The following SNRNP70 variants were observed in gnomAD, a reference collection of about 807,000 sequenced individuals.
SNRNP70 encodes the protein U1 small nuclear ribonucleoprotein 70 kDa.
In SNRNP70, 8 loss-of-function variants were observed where a neutral mutation model predicts 50.5. The ratio of observed to expected loss-of-function variants is 0.16; its 90% confidence interval spans 0.09 to 0.29. The LOEUF (loss-of-function observed/expected upper bound fraction) is 0.29, where lower values mean the gene tolerates loss of function less well. Among genes scored for constraint, SNRNP70 ranks in the 10% least tolerant of loss-of-function variants. The pLI, the probability that SNRNP70 is intolerant of heterozygous loss-of-function variation, is 1.00. For synonymous variants in SNRNP70, 320 were observed against 252.9 expected (o/e 1.27, Z -2.52); for missense variants, 529 against 663.5 (o/e 0.80, Z 2.23).
At position 49,101,479 on chromosome 19, in the gene SNRNP70, C is replaced by T. The variant is rs1228740289; in HGVS notation, c.475+8C>T. ...ACGAGCGAGACATGCACTGTGAGTA[C>T]CTCCCGCCGAGCCCTGCCCTCTGAC... On this transcript the variant is annotated splice_region_variant and intron_variant, in intron 7 of 9. Coordinates refer to ENST00000598441, the MANE Select transcript of SNRNP70 (RefSeq NM_003089.6). 24 of 1,607,306 alleles carry T rather than the reference C, an allele frequency of 1.5e-5. No individual in the cohort carries two copies. The highest frequency in any genetic ancestry group is 1.7e-5 in the Admixed American group (1 of 60,006).
At chr19:49,091,993 C>T (rs2040452809) in intron 4 of SNRNP70, among the ~76,000 whole-genome samples, 1 of 152,332 alleles carries the variant, frequency 6.6e-6, no homozygotes, top group Non-Finnish European at 1.5e-5. Flanking sequence ...GTGTTATTTT[C>T]TAAATGTCAC....
chr19:49,101,029 ACT>A (rs759960428), intron 6 of SNRNP70, among the ~76,000 whole-genome samples: 5 of 151,070 alleles, frequency 3.3e-5, no homozygotes, highest in African/African-American at 4.9e-5. Flanking sequence ...ATCTCCTGGG[ACT>A]CTCTGTCATC....
intron 8 of SNRNP70, among the ~76,000 whole-genome samples, chr19:49,105,087 C>T (rs957556613): frequency 2.6e-5 from 4 of 152,082 alleles, no homozygotes; most frequent in African/African-American, 4.8e-5. Flanking sequence ...TTGGCAGTGA[C>T]GCATGCTGGG....
At position 49,104,268 on chromosome 19, in the gene SNRNP70, A is replaced by G. The variant is rs899319451; in HGVS notation, c.476-366A>G. 43 of 199,970 alleles carry G rather than the reference A, an allele frequency of 2.2e-4. No homozygotes were observed. The highest frequency in any genetic ancestry group is 8.2e-4 in the African/African-American group (35 of 42,640). 12.4% of individuals were successfully genotyped at this position (199,970 alleles called of 1,614,324 possible). ...GTGGAGGAGCCCCCTCCCCCACAGC[A>G]GAGTCCAGCGTGGAGTTAACCTTCA... On this transcript the variant is annotated intron_variant, in intron 7 of 9. Coordinates refer to ENST00000598441, the MANE Select transcript of SNRNP70 (RefSeq NM_003089.6). This position sits in a 1 kb window ranked among gnomAD's most constrained non-coding sequence, Gnocchi z 5.4.
At chr19:49,103,980 T>A (rs536672250) in intron 7 of SNRNP70, 1 of 151,698 alleles carries the variant, frequency 6.6e-6, no homozygotes, top group East Asian at 2.0e-4. Flanking sequence ...CTCCCCATGC[T>A]TCCTCCACTG....
intron 2 of SNRNP70, among the ~76,000 whole-genome samples, chr19:49,087,177 CAAAA>C (rs11398967): frequency 9.9e-6 from 1 of 100,636 alleles, no homozygotes; most frequent in Admixed American, 1.2e-4. Context: ...AAGACTGTCT[CAAAA>C]AAAAAAAAAA....
intron 2 of SNRNP70, 39 bp from the exon 3 acceptor site, chr19:49,090,252 C>T (rs185047226): frequency 8.2e-6 from 13 of 1,582,426 alleles, no homozygotes; most frequent in African/African-American, 1.3e-5. Flanking sequence ...CCATTTCCCC[C>T]AGTCCTTCCC....
chr19:49,095,818 C>G (rs1032089911), intron 4 of SNRNP70, among the ~76,000 whole-genome samples: 2 of 151,912 alleles, frequency 1.3e-5, no homozygotes, highest in Non-Finnish European at 1.5e-5. Context: ...TGAGCCACTG[C>G]GCCCAGCACC....
intron 4 of SNRNP70, among the ~76,000 whole-genome samples, chr19:49,091,184 C>T (rs189144997): frequency 4.4e-4 from 67 of 152,128 alleles, no homozygotes; most frequent in Non-Finnish European, 7.4e-4. Context: ...GCCTGGCCAG[C>T]GTGGTGAAAT....
intron 7 of SNRNP70, chr19:49,101,702 G>T: frequency 1.8e-6 from 1 of 541,332 alleles, no homozygotes; most frequent in Non-Finnish European, 3.3e-6. Flanking sequence ...GGGGAGGTAA[G>T]TGTCACACGT....
At chr19:49,101,261 G>T in intron 6 of SNRNP70, 129 bp from the exon 7 acceptor site, 1 of 691,630 alleles carries the variant, frequency 1.4e-6, no homozygotes. Flanking sequence ...AAGTCACTCA[G>T]GGCTCTTGAA....
Position 49,107,501 on chromosome 19 carries a change from C to T in SNRNP70, c.578-124C>T. On this transcript the variant is annotated intron_variant, in intron 8 of 9. Transcript: ENST00000598441. This position sits in a 1 kb window ranked among gnomAD's most constrained non-coding sequence, Gnocchi z 6.0. ...GCGGGATGAACTGCACGGGGGGACC[C>T]GGCCCTGTGAACACTAAGCCAGGGG... 3 of 841,594 alleles carry T rather than the reference C, an allele frequency of 3.6e-6. No homozygotes were observed. Among genetic ancestry groups the T allele is most frequent in the Admixed American group, 2.1e-5 (1 of 46,540 alleles). The allele number at this position is 841,594 out of a possible 1,614,324, so 52.1% of individuals were successfully genotyped here.
chr19:49,095,649 T>C (rs1286685711), intron 4 of SNRNP70, among the ~76,000 whole-genome samples: 1 of 151,920 alleles, frequency 6.6e-6, no homozygotes. Flanking sequence ...GCGATTCTCT[T>C]GTCTTAGTCT....
At chr19:49,100,987 A>G (rs1417977515) in intron 6 of SNRNP70, among the ~76,000 whole-genome samples, 1 of 152,004 alleles carries the variant, frequency 6.6e-6, no homozygotes, top group East Asian at 1.9e-4. Context: ...GGGGCGCTTG[A>G]TGACCCCGGG....
intron 2 of SNRNP70, among the ~76,000 whole-genome samples, chr19:49,089,656 A>ATTTTTTT (rs71179085): frequency 2.9e-4 from 24 of 82,610 alleles, no homozygotes; most frequent in East Asian, 8.2e-4. Flanking sequence ...TTGAGACAGG[A>ATTTTTTT]TTTTTTTTTT....
Position 49,108,051 on chromosome 19 carries a change from G to T in SNRNP70, c.922G>T (p.Glu308Ter). The change falls in exon 10 of 10, where the codon GAG becomes TAG. Residue 308 changes from glutamate to a stop codon, truncating the protein, a stop_gained. Coordinates refer to ENST00000598441, the MANE Select transcript of SNRNP70 (RefSeq NM_003089.6). LOFTEE classifies it high-confidence loss of function. ...CCGGCGGGAGCGGGAGCGCAAGGAG[G>T]AGCTGCGTGGCGGCGGTGGCGACAT... ...RARRERERKE[E>*]LRGGGGDMAE... The T allele has an allele frequency of 6.4e-7, 1 of 1,550,740 alleles. No individual in the cohort carries two copies. The highest frequency in any genetic ancestry group is 8.7e-7 in the Non-Finnish European group (1 of 1,148,124).
Position 49,108,094 on chromosome 19 carries a change from C to G in SNRNP70, c.965C>G (p.Ala322Gly), listed in dbSNP as rs1233217038. Reference sequence around the variant, plus strand: ...GGCGACATGGCGGAGCCCTCCGAGGCGGGTGACGCGCCCCCTGATGATGGG... The same window carrying G: ...GGCGACATGGCGGAGCCCTCCGAGGGGGGTGACGCGCCCCCTGATGATGGG... ...GGGDMAEPSE[A>G]GDAPPDDGPP... Residue 322 changes from alanine to glycine, a missense_variant, in exon 10 of 10, where the codon GCG (alanine) becomes GGG (glycine). Physicochemically the swap from Ala to Gly is moderately conservative, Grantham distance 60 (BLOSUM62 0). This residue lies in a region of SNRNP70 where 327 missense variants were observed against 308.8 expected (regional missense o/e 1.06). Transcript: ENST00000598441. The G allele has an allele frequency of 5.2e-6, 8 of 1,551,144 alleles. No homozygotes were observed. The highest frequency in any genetic ancestry group is 2.0e-5 in the Admixed American group (1 of 49,666).
rs750083094 is a variant in SNRNP70 at position 49,101,377 on chromosome 19, A to T, written c.394-13A>T. On this transcript the variant is annotated splice_polypyrimidine_tract_variant and intron_variant, in intron 6 of 9. Transcript: ENST00000598441. ...TGTGGCAGGACTCACCCCTGTCCCC[A>T]TGTGCCCCACAGATACACATGGTCT... 8.7e-6 allele frequency: 14 copies of T among 1,611,066 alleles called. No individual in the cohort carries two copies. In the South Asian group the frequency reaches 1.3e-4, roughly 15 times the overall value.
Position 49,104,631 on chromosome 19 carries a change from C to T in SNRNP70, c.476-3C>T. 3 of 1,552,816 alleles carry T rather than the reference C, an allele frequency of 1.9e-6. No individual in the cohort carries two copies. The highest frequency in any genetic ancestry group is 2.6e-6 in the Non-Finnish European group (3 of 1,147,590). On this transcript the variant is annotated splice_polypyrimidine_tract_variant and splice_region_variant and intron_variant, in intron 7 of 9. Transcript: ENST00000598441. This position sits in a 1 kb window ranked among gnomAD's most constrained non-coding sequence, Gnocchi z 5.4. ...CCCCTCCCCCTCCCCACATCTGTTA[C>T]AGCCGCTTACAAACACGCAGATGGC...
Sources: gnomAD v4.1 joint callset for allele counts (sites outside exome capture counted in the v4.1 genomes callset) on GRCh38, gnomAD v4.1.1 for gene constraint, gnomAD v4.1.1 regional missense constraint, Gnocchi (gnomAD v3.1) non-coding constraint, MANE v1.5 for transcripts, NCBI Gene and HGNC (gene_info 2026-07-23, HGNC 2026-07-21) for gene names.